The following PRR16 variants were observed in gnomAD, a reference collection of about 807,000 sequenced individuals.
PRR16 encodes proline rich 16, also known as protein Largen.
A neutral mutation model predicts 18.2 loss-of-function variants in PRR16; 6 were observed. The ratio of observed to expected loss-of-function variants is 0.33; its 90% CI spans 0.18 to 0.65. The LOEUF (loss-of-function observed/expected upper bound fraction) is 0.65, where lower values mean the gene tolerates loss of function less well. Among genes scored for constraint, PRR16 ranks in the 30% least tolerant of loss-of-function variants. PRR16 has a pLI of 0.74. For missense variants in PRR16, 412 were observed against 376.6 expected (o/e 1.09, Z -0.78); for synonymous variants, 151 against 147.8 (o/e 1.02, Z -0.16).
the PRR16 span, among the ~76,000 whole-genome samples, chr5:120,694,719 C>T: frequency 4.5e-4 from 67 of 148,710 alleles, no homozygotes; most frequent in Non-Finnish European, 8.7e-4. Context: ...AAAACTGAAA[C>T]AAAAAGCATG....
the PRR16 span, among the ~76,000 whole-genome samples, chr5:120,710,397 A>G: frequency 2.5e-4 from 38 of 152,334 alleles, no homozygotes; most frequent in African/African-American, 9.1e-4. Context: ...CTCTTCCCAA[A>G]GTATCCAGTG....
At chr5:120,768,569 T>C in the PRR16 span, among the ~76,000 whole-genome samples, 1 of 151,646 alleles carries the variant, frequency 6.6e-6, no homozygotes. Context: ...TCAATAAGTA[T>C]GGGGAGAATA....
intron 1 of PRR16, among the ~76,000 whole-genome samples, chr5:120,480,173 G>A (rs1749565599): frequency 6.6e-6 from 1 of 152,184 alleles, no homozygotes; most frequent in South Asian, 2.1e-4. Context: ...TACTCAGGAG[G>A]CTGAGACAGG....
intron 1 of PRR16, among the ~76,000 whole-genome samples, chr5:120,541,050 T>A (rs959359044): frequency 6.6e-6 from 1 of 152,134 alleles, no homozygotes; most frequent in Admixed American, 6.5e-5. Context: ...TCTTTAGAGG[T>A]CTTATAATTG....
At chr5:120,738,685 A>G in the PRR16 span, among the ~76,000 whole-genome samples, 1 of 152,176 alleles carries the variant, frequency 6.6e-6, no homozygotes, top group Admixed American at 6.5e-5. Context: ...AGAGTTCAAA[A>G]TTTGGCCTAT....
At chr5:120,568,122 T>C (rs1752792926) in intron 1 of PRR16, among the ~76,000 whole-genome samples, 1 of 152,198 alleles carries the variant, frequency 6.6e-6, no homozygotes, top group Non-Finnish European at 1.5e-5. Context: ...TCTTTGCATA[T>C]TAATCATCAT....
At chr5:120,684,794 A>C (rs1236450652) in intron 1 of PRR16, among the ~76,000 whole-genome samples, 5 of 152,144 alleles carry the variant, frequency 3.3e-5, no homozygotes, top group African/African-American at 1.2e-4. Flanking sequence ...ATCCTTGCCA[A>C]AGTCTCCTTA....
At chr5:120,480,386 C>G (rs76996960) in intron 1 of PRR16, among the ~76,000 whole-genome samples, 1 of 152,150 alleles carries the variant, frequency 6.6e-6, no homozygotes, top group Non-Finnish European at 1.5e-5. Context: ...ATTTACTTTG[C>G]GTGAGTACTG....
the PRR16 span, among the ~76,000 whole-genome samples, chr5:120,754,427 A>ATATATACTATATACTATATAT: frequency 1.1e-4 from 10 of 87,536 alleles, 1 homozygote; most frequent in Admixed American, 3.7e-4. Flanking sequence ...ATATTATATA[A>ATATATACTATATACTATATAT]TATATAGTAT....
chr5:120,686,254 C>A lies in PRR16; in HGVS notation c.460C>A (p.Leu154Ile), dbSNP rs1478442017. The change falls in exon 2 of 2, where the codon CTA becomes ATA. Residue 154 changes from leucine (L) to isoleucine (I), a missense_variant. Physicochemically the swap from Leu to Ile is conservative, Grantham distance 5. Coordinates refer to ENST00000407149, the MANE Select transcript of PRR16 (RefSeq NM_001300783.2). The stretch of plus-strand genomic sequence containing the variant: ...TCCTGTAAAAACCAATGGCACCCTT[C>A]TACGAAATGGAGGCTTACCAGGTGG... ...ANPVKTNGTLLRNGGLPGGPN... is the reference protein window; with the variant it reads ...ANPVKTNGTLIRNGGLPGGPN... 1 of 1,614,072 alleles carries A rather than the reference C, an allele frequency of 6.2e-7. No individual in the cohort carries two copies. The highest frequency in any genetic ancestry group is 1.3e-5 in the African/African-American group (1 of 75,046).
intron 1 of PRR16, among the ~76,000 whole-genome samples, chr5:120,602,452 A>G (rs552703289): frequency 5.5e-4 from 84 of 152,268 alleles, no homozygotes; most frequent in Non-Finnish European, 1.9e-4. Flanking sequence ...TATCAGTTCC[A>G]GTAGCCTTTT....
At chr5:120,507,367 C>G (rs559497897) in intron 1 of PRR16, among the ~76,000 whole-genome samples, 1 of 151,932 alleles carries the variant, frequency 6.6e-6, no homozygotes, top group Non-Finnish European at 1.5e-5. Flanking sequence ...ACTTAAATTG[C>G]GAAACAAATG....
chr5:120,594,154 C>A (rs1476761736), intron 1 of PRR16, among the ~76,000 whole-genome samples: 4 of 152,068 alleles, frequency 2.6e-5, no homozygotes, highest in African/African-American at 7.2e-5. Flanking sequence ...CTGGCAAGAG[C>A]AATCAGGCAA....
At position 120,628,693 on chromosome 5, in the gene PRR16, ACCAT is replaced by A. The variant is rs1336207300; in HGVS notation, c.160-57259_160-57256del. Among the ~76,000 whole-genome samples the A allele has an allele frequency of 2.1e-4, 28 of 130,696 alleles. No individual in the cohort carries two copies. In the South Asian group the frequency reaches 3.1e-3, roughly 14 times the overall value. 85.7% of individuals were successfully genotyped at this position (130,696 alleles called of 152,430 possible). ...TATCTATCTATCTATCTATCATTCT[ACCAT>A]CTATCTATCTATCTATCTATCTATC... On this transcript the variant is annotated intron_variant, in intron 1 of 1. Coordinates refer to ENST00000407149, the MANE Select transcript of PRR16 (RefSeq NM_001300783.2).
intron 1 of PRR16, among the ~76,000 whole-genome samples, chr5:120,496,328 T>C (rs1395190693): frequency 1.3e-5 from 2 of 152,082 alleles, no homozygotes; most frequent in East Asian, 1.9e-4. Flanking sequence ...TGAAACCCTC[T>C]GGAACTGCAG....
intron 1 of PRR16, among the ~76,000 whole-genome samples, chr5:120,560,319 C>A (rs1417775577): frequency 6.6e-6 from 1 of 151,762 alleles, no homozygotes; most frequent in Non-Finnish European, 1.5e-5. Context: ...ACCTCTATAC[C>A]CAGTTTCTTA....
At chr5:120,610,765 A>T (rs1314226985) in intron 1 of PRR16, among the ~76,000 whole-genome samples, 2 of 152,164 alleles carry the variant, frequency 1.3e-5, no homozygotes, top group Non-Finnish European at 2.9e-5. Context: ...TGTCTTTATC[A>T]GTAGCATAAA....
intron 1 of PRR16, among the ~76,000 whole-genome samples, chr5:120,486,043 C>G (rs1580630501): frequency 6.6e-6 from 1 of 152,232 alleles, no homozygotes; most frequent in African/African-American, 2.4e-5. Context: ...TTAATCCAGT[C>G]TATCATTGTT....
At chr5:120,690,010 C>A (rs1008470165), downstream of PRR16, among the ~76,000 whole-genome samples, 5 of 152,048 alleles carry the variant, frequency 3.3e-5, no homozygotes, top group Non-Finnish European at 7.4e-5. Context: ...TTATTATATC[C>A]ATTTCTTCCC....
Sources: gnomAD v4.1 joint callset for allele counts (sites outside exome capture counted in the v4.1 genomes callset) on GRCh38, gnomAD v4.1.1 for gene constraint, MANE v1.5 for transcripts, NCBI Gene and HGNC (gene_info 2026-07-23, HGNC 2026-07-21) for gene names.